Variants in TENM1 observed in about 807,000 individuals in gnomAD.
The protein encoded by TENM1 is teneurin transmembrane protein 1.
In TENM1, 35 loss-of-function variants were observed where a neutral mutation model predicts 174.8. The observed-to-expected ratio is 0.20, with a 90% CI of 0.15 to 0.27. The LOEUF (loss-of-function observed/expected upper bound fraction) is 0.27, where lower values mean the gene tolerates loss of function less well. TENM1 is among the 10% of genes least tolerant of loss of function. TENM1 has a pLI of 1.00. For missense variants in TENM1, 1,633 were observed against 2,130.1 expected (o/e 0.77, Z 4.59); for synonymous variants, 781 against 798.7 (o/e 0.98, Z 0.37).
chrX:124,794,477 C>T (rs2147214050), intron 3 of TENM1, among the ~76,000 whole-genome samples: 1 of 111,374 alleles, frequency 9.0e-6, no homozygotes, highest in East Asian at 2.9e-4. Context: ...CTTCCACATG[C>T]AATACGTCAC....
chrX:124,757,211 C>T (rs750697659), intron 3 of TENM1, among the ~76,000 whole-genome samples: 19 of 112,187 alleles, frequency 1.7e-4, no homozygotes, highest in Middle Eastern at 4.6e-3. Context: ...GCGCCCCTCC[C>T]CCAGCCTCGC....
At chrX:124,938,817 C>T (rs1013096273) in intron 1 of TENM1, among the ~76,000 whole-genome samples, 2 of 111,258 alleles carry the variant, frequency 1.8e-5, no homozygotes, top group Non-Finnish European at 3.8e-5. Context: ...GTATATACAT[C>T]GATGCTCAAA....
At chrX:125,035,418 C>G in the TENM1 span, among the ~76,000 whole-genome samples, 1 of 111,604 alleles carries the variant, frequency 9.0e-6, no homozygotes, top group Non-Finnish European at 1.9e-5. Context: ...CAGGAAGTGA[C>G]TCCATGAGTC....
intron 4 of TENM1, among the ~76,000 whole-genome samples, chrX:124,724,806 T>C (rs1196411206): frequency 9.0e-6 from 1 of 110,980 alleles, no homozygotes; most frequent in Non-Finnish European, 1.9e-5. Flanking sequence ...AAAAAAGAAA[T>C]CATATGTTGA....
At chrX:124,835,742 A>G (rs1224841999) in intron 3 of TENM1, among the ~76,000 whole-genome samples, 1 of 111,708 alleles carries the variant, frequency 9.0e-6, no homozygotes, top group African/African-American at 3.3e-5. Context: ...AAATGATTCA[A>G]GTTAATGGGA....
chrX:124,625,549 A>G (rs1233698160), intron 11 of TENM1, among the ~76,000 whole-genome samples: 2 of 111,471 alleles, frequency 1.8e-5, no homozygotes, highest in Non-Finnish European at 3.8e-5. Context: ...GCTATACTTG[A>G]GATTGGGTAA....
At chrX:124,502,685 G>A (rs1602551883) in intron 19 of TENM1, among the ~76,000 whole-genome samples, 1 of 111,892 alleles carries the variant, frequency 8.9e-6, no homozygotes, top group East Asian at 2.8e-4. Flanking sequence ...TGTTTGATAT[G>A]GAATTCAGAA....
intron 22 of TENM1, among the ~76,000 whole-genome samples, chrX:124,471,219 TAA>T (rs1491496317): frequency 6.5e-5 from 3 of 45,804 alleles, no homozygotes; most frequent in Non-Finnish European, 1.2e-4. Flanking sequence ...CTATATATTA[TAA>T]TATATAGTAC....
upstream of TENM1, among the ~76,000 whole-genome samples, chrX:124,964,319 CTGAG>C (rs1183130994): frequency 9.0e-6 from 1 of 111,566 alleles, no homozygotes; most frequent in Non-Finnish European, 1.9e-5. Context: ...GGGAAGGATT[CTGAG>C]TGAGAGAGCT....
At chrX:124,896,041 C>T in exon 2 of TENM1, 1 of 1,211,397 alleles carries the variant, frequency 8.3e-7, no homozygotes, top group Non-Finnish European at 1.1e-6. Flanking sequence ...GCAGAGTTGG[C>T]CCGGCTGGAC....
the TENM1 span, among the ~76,000 whole-genome samples, chrX:124,973,281 G>C: frequency 8.9e-6 from 1 of 111,747 alleles, no homozygotes; most frequent in African/African-American, 3.3e-5. Context: ...TTTGGTACCA[G>C]TACCATGCTG....
chrX:124,912,030 C>T (rs763990383), intron 1 of TENM1, among the ~76,000 whole-genome samples: 1 of 111,833 alleles, frequency 8.9e-6, no homozygotes, highest in South Asian at 3.8e-4. Context: ...AAATCCCTGC[C>T]GTCATGGAAC....
chrX:124,534,912 A>G (rs898227103), intron 15 of TENM1, among the ~76,000 whole-genome samples: 3 of 111,964 alleles, frequency 2.7e-5, no homozygotes, highest in Admixed American at 1.9e-4. Context: ...TCCCCTAACA[A>G]CTGTAGCTAC....
At chrX:124,675,968 G>A (rs770687456) in intron 5 of TENM1, among the ~76,000 whole-genome samples, 78 of 106,965 alleles carry the variant, frequency 7.3e-4, no homozygotes, top group African/African-American at 2.4e-3. Context: ...AGTCTTACAT[G>A]AAGTGTGTGA....
In TENM1 at chrX:124,740,607, A is replaced by G. The variant is rs1280959837; in HGVS notation, c.536-3410T>C. Among the ~76,000 whole-genome samples, 8 of 111,495 alleles carry G rather than the reference A, an allele frequency of 7.2e-5. No individual in the cohort carries two copies. The Admixed American group carries it at 7.6e-4, about 11-fold the overall frequency. ...CCCTGCTAGTTCATATTGTCTTTAA[A>G]CGCTTTCACAATATTGGATTGTTGC... On this transcript the variant is annotated intron_variant, in intron 3 of 31. Transcript: ENST00000422452.
the TENM1 span, among the ~76,000 whole-genome samples, chrX:125,089,035 G>A: frequency 9.0e-6 from 1 of 110,842 alleles, no homozygotes; most frequent in Non-Finnish European, 1.9e-5. Flanking sequence ...TCCTAAATGG[G>A]ATGCCAAAAA....
At chrX:124,581,820 G>T (rs1220077816) in intron 11 of TENM1, among the ~76,000 whole-genome samples, 2 of 111,551 alleles carry the variant, frequency 1.8e-5, no homozygotes. Context: ...TCATATGTTT[G>T]TTGGCTACTT....
intron 3 of TENM1, among the ~76,000 whole-genome samples, chrX:124,774,764 C>T (rs757353024): frequency 9.0e-6 from 1 of 111,166 alleles, no homozygotes; most frequent in African/African-American, 3.3e-5. Context: ...GATGGAGGAC[C>T]CCTATAATGG....
At chrX:124,746,771 A>G (rs1199646852) in intron 3 of TENM1, among the ~76,000 whole-genome samples, 1 of 111,335 alleles carries the variant, frequency 9.0e-6, no homozygotes, top group East Asian at 2.8e-4. Flanking sequence ...AGGCAGCTCA[A>G]TTAGGAAATA....
Sources: allele counts gnomAD v4.1 joint callset (sites outside exome capture counted in the v4.1 genomes callset), GRCh38; gene constraint gnomAD v4.1.1; transcripts MANE v1.5; gene names NCBI Gene and HGNC (gene_info 2026-07-23, HGNC 2026-07-21).